MYO1D: variants seen among roughly 807,000 people sequenced by gnomAD.
MYO1D encodes myosin ID.
MYO1D carries 83 observed loss-of-function variants against 122.0 expected under a neutral mutation model. The observed-to-expected ratio is 0.68, with a 90% CI of 0.57 to 0.82. The LOEUF is 0.82. Among genes scored for constraint, MYO1D ranks in the 40% least tolerant of loss-of-function variants. The pLI is 0.00. For missense variants in MYO1D, 1,157 were observed against 1,269.5 expected (o/e 0.91, Z 1.35); for synonymous variants, 464 against 446.9 (o/e 1.04, Z -0.48).
At chr17:32,732,040 T>C (rs2089646895) in intron 14 of MYO1D, among the ~76,000 whole-genome samples, 1 of 152,222 alleles carries the variant, frequency 6.6e-6, no homozygotes, top group Admixed American at 6.5e-5. Context: ...CAGCTGGGTA[T>C]GCGCACACTT....
At chr17:32,690,782 C>T (rs1000603520) in intron 16 of MYO1D, among the ~76,000 whole-genome samples, 12 of 152,182 alleles carry the variant, frequency 7.9e-5, no homozygotes, top group Admixed American at 3.9e-4. Flanking sequence ...ATGACCGCAC[C>T]ATGCTTCCTA....
chr17:32,820,739 A>G (rs1417666031), intron 1 of MYO1D, among the ~76,000 whole-genome samples: 5 of 152,182 alleles, frequency 3.3e-5, no homozygotes, highest in Non-Finnish European at 7.3e-5. Flanking sequence ...AAACACACAA[A>G]AGAGTAACTA....
intron 13 of MYO1D, among the ~76,000 whole-genome samples, chr17:32,739,454 G>A (rs1031876808): frequency 8.8e-5 from 13 of 146,910 alleles, no homozygotes; most frequent in African/African-American, 2.8e-4. Flanking sequence ...GAGAACACTC[G>A]GACAGAGGAA....
At chr17:32,808,317 G>A (rs2090537635) in intron 1 of MYO1D, among the ~76,000 whole-genome samples, 2 of 151,058 alleles carry the variant, frequency 1.3e-5, no homozygotes, top group African/African-American at 4.9e-5. Context: ...CGAGGCTGCA[G>A]TGAGATATGA....
intron 1 of MYO1D, among the ~76,000 whole-genome samples, chr17:32,801,414 G>T (rs1473331375): frequency 6.6e-6 from 1 of 152,212 alleles, no homozygotes; most frequent in Non-Finnish European, 1.5e-5. Flanking sequence ...TGGTGGTGGG[G>T]CCAGGGTAAG....
chr17:32,665,099 A>G (rs2088619192), intron 16 of MYO1D, among the ~76,000 whole-genome samples: 1 of 152,162 alleles, frequency 6.6e-6, no homozygotes, highest in African/African-American at 2.4e-5. Flanking sequence ...CCCAGCCATC[A>G]GATGGCTGAC....
chr17:32,876,719 G>A (rs2151097338), intron 1 of MYO1D, 59 bp downstream of exon 1: 1 of 1,394,836 alleles, frequency 7.2e-7, no homozygotes, highest in Non-Finnish European at 9.6e-7. Flanking sequence ...GCGCCCCGAG[G>A]CGCCCCCTCT....
chr17:32,678,254 C>A lies in MYO1D; in HGVS notation c.2122-18916G>T, dbSNP rs1051648939. On this transcript the variant is annotated intron_variant, in intron 16 of 21. Coordinates refer to ENST00000318217, the MANE Select transcript of MYO1D (RefSeq NM_015194.3). ...TGACCATCCTCTCAAAAATATATTT[C>A]TTTTTTTTTTTCTTTTATTATACTT... Among the ~76,000 whole-genome samples the A allele has an allele frequency of 2.0e-5, 3 of 149,164 alleles. 1 individual carries two copies. Among genetic ancestry groups the A allele is most frequent in the East Asian group, 2.0e-4 (1 of 5,086 alleles).
At chr17:32,719,315 G>C (rs2089481778) in intron 15 of MYO1D, among the ~76,000 whole-genome samples, 1 of 151,014 alleles carries the variant, frequency 6.6e-6, no homozygotes, top group African/African-American at 2.4e-5. Flanking sequence ...CTGTTTCCTG[G>C]ACTCCTGCAA....
In MYO1D at chr17:32,742,413, G is replaced by A. The variant is rs142968176; in HGVS notation, c.1613+2798C>T. On this transcript the variant is annotated intron_variant, in intron 13 of 21. Coordinates refer to ENST00000318217, the MANE Select transcript of MYO1D (RefSeq NM_015194.3). ...GTTTCTACACTGGCCTGGAGAGCCT[G>A]GGCTATATTAGTTCACCACTGAAAG... Among the ~76,000 whole-genome samples, 249 of 152,278 alleles carry A rather than the reference G, an allele frequency of 1.6e-3. 1 individual carries two copies. The highest frequency in any genetic ancestry group is 5.7e-3 in the African/African-American group (238 of 41,548).
chr17:32,563,204 C>CTTTTTT lies in MYO1D; in HGVS notation c.2864+41882_2864+41883insAAAAAA, dbSNP rs749819200. On this transcript the variant is annotated intron_variant, in intron 21 of 21. Transcript: ENST00000318217. ...GCAATTACAGCTCTTTTTTTCTTCT[C>CTTTTTT]TCTTTTTTTTTTTTTTTTTTTTTGA... is the stretch of plus-strand genomic sequence containing the variant. 7.4e-4 allele frequency among the ~76,000 whole-genome samples: 78 copies of CTTTTTT among 105,116 alleles called. 1 individual carries two copies. The highest frequency in any genetic ancestry group is 1.7e-3 in the African/African-American group (40 of 23,926). 69.0% of individuals were successfully genotyped at this position (105,116 alleles called of 152,430 possible). A position where few individuals can be genotyped will look rare whatever the true frequency, so the allele number is the denominator to read the frequency against.
chr17:32,858,638 C>T (rs2091046200), intron 1 of MYO1D, among the ~76,000 whole-genome samples: 1 of 152,090 alleles, frequency 6.6e-6, no homozygotes, highest in Non-Finnish European at 1.5e-5. Flanking sequence ...CTGATTTGTC[C>T]CATTTCTGAC....
rs191777316 is a variant in MYO1D, at chr17:32,767,609, T to C, written c.831+27A>G. 2.4e-5 allele frequency: 35 copies of C among 1,433,434 alleles called. No individual in the cohort carries two copies. In the Admixed American group the frequency reaches 6.0e-4, roughly 25 times the overall value. 88.8% of individuals were successfully genotyped at this position (1,433,434 alleles called of 1,614,324 possible). A position where few individuals can be genotyped will look rare whatever the true frequency, so the allele number is the denominator to read the frequency against. On this transcript the variant is annotated intron_variant, in intron 7 of 21. Transcript: ENST00000318217. ...GCATCCTGTTCTCAGCAGAAGACAA[T>C]ACATTCTGAGAGGTGTCCCTACTCA...
chr17:32,653,802 G>T, intron 19 of MYO1D, 41 bp downstream of exon 19: 3 of 1,537,730 alleles, frequency 2.0e-6, no homozygotes. Flanking sequence ...ATCTGAATCA[G>T]TCTTTCCTTT....
intron 8 of MYO1D, 149 bp from the exon 9 acceptor site, chr17:32,760,776 T>C (rs2089993336): frequency 1.2e-6 from 1 of 807,624 alleles, no homozygotes. Context: ...ATGTAGACTG[T>C]CCATTTAAAA....
chr17:32,709,287 TG>T (rs960688656), intron 16 of MYO1D, among the ~76,000 whole-genome samples: 6 of 151,684 alleles, frequency 4.0e-5, no homozygotes, highest in African/African-American at 4.8e-5. Flanking sequence ...CTGAGAGGTA[TG>T]GTCACCCTGG....
intron 19 of MYO1D, among the ~76,000 whole-genome samples, chr17:32,650,043 C>T (rs1567929494): frequency 6.6e-6 from 1 of 152,238 alleles, no homozygotes; most frequent in Non-Finnish European, 1.5e-5. Context: ...ACTTCACTTG[C>T]TCTTCATTCT....
chr17:32,796,479 G>A (rs536766641), intron 1 of MYO1D, among the ~76,000 whole-genome samples: 4 of 152,094 alleles, frequency 2.6e-5, no homozygotes, highest in East Asian at 1.9e-4. Flanking sequence ...TGGCATGATC[G>A]CAGCCTCACT....
chr17:32,677,622 T>TGC (rs2088839810), intron 16 of MYO1D, among the ~76,000 whole-genome samples: 1 of 135,066 alleles, frequency 7.4e-6, no homozygotes, highest in African/African-American at 2.9e-5. Flanking sequence ...TATATATATA[T>TGC]GCACACAGAC....
Sources: gnomAD v4.1 joint callset for allele counts (sites outside exome capture counted in the v4.1 genomes callset) on GRCh38, gnomAD v4.1.1 for gene constraint, MANE v1.5 for transcripts, NCBI Gene and HGNC (gene_info 2026-07-23, HGNC 2026-07-21) for gene names.